RARB: variants seen among roughly 807,000 people sequenced by gnomAD.
RARB encodes HBV-activated protein.
RARB carries 17 observed loss-of-function variants against 51.9 expected under a neutral mutation model. That is an observed-to-expected ratio of 0.33 (90% confidence interval 0.22 to 0.49). The LOEUF (loss-of-function observed/expected upper bound fraction) is 0.49. RARB is among the 20% of genes least tolerant of loss of function. The pLI, the probability that RARB is intolerant of heterozygous loss-of-function variation, is 0.99. For missense variants in RARB, 369 were observed against 550.8 expected, an observed-to-expected ratio of 0.67 and a Z score of 3.30; for synonymous variants, 215 against 195.4, an observed-to-expected ratio of 1.10 and a Z score of -0.84.
intron 5 of RARB, among the ~76,000 whole-genome samples, chr3:25,305,076 C>A (rs962211958): frequency 7.2e-5 from 11 of 152,082 alleles, no homozygotes; most frequent in Non-Finnish European, 1.3e-4. Context: ...AGGATTTGAA[C>A]CACGAGAGAG....
intron 5 of RARB, among the ~76,000 whole-genome samples, chr3:25,243,132 T>G (rs1204692144): frequency 6.6e-6 from 1 of 151,894 alleles, no homozygotes; most frequent in Non-Finnish European, 1.5e-5. Flanking sequence ...TGTATAGGAG[T>G]GCTTGTGATT....
At chr3:24,893,407 T>C (rs535048486) in intron 2 of RARB, among the ~76,000 whole-genome samples, 1 of 152,234 alleles carries the variant, frequency 6.6e-6, no homozygotes, top group Non-Finnish European at 1.5e-5. Flanking sequence ...CTTTAATTTT[T>C]TTTTGCCACC....
At chr3:25,181,624 TTCCTGTTAAGAACCA>T (rs1700863591) in intron 5 of RARB, among the ~76,000 whole-genome samples, 1 of 152,170 alleles carries the variant, frequency 6.6e-6, no homozygotes. Flanking sequence ...CCACCAGGCA[TTCCTGTTAAGAACCA>T]CCCCTACCCC....
intron 2 of RARB, among the ~76,000 whole-genome samples, chr3:24,986,970 G>A (rs925804689): frequency 2.6e-5 from 4 of 151,576 alleles, no homozygotes; most frequent in Admixed American, 1.3e-4. Flanking sequence ...AGATTTCAAC[G>A]GTCGTCATCT....
intron 2 of RARB, among the ~76,000 whole-genome samples, chr3:25,495,370 A>C (rs1008087522): frequency 2.0e-5 from 3 of 152,144 alleles, no homozygotes; most frequent in African/African-American, 7.2e-5. Context: ...AAAATTATAA[A>C]TTTTATGTAT....
At chr3:25,553,989 C>CTGTG (rs1291613925) in intron 3 of RARB, among the ~76,000 whole-genome samples, 1 of 151,972 alleles carries the variant, frequency 6.6e-6, no homozygotes, top group East Asian at 1.9e-4. Context: ...CCCATGTCAC[C>CTGTG]TGTGTTTGCC....
intron 5 of RARB, among the ~76,000 whole-genome samples, chr3:25,200,967 A>G (rs1057159277): frequency 1.3e-5 from 2 of 152,196 alleles, no homozygotes; most frequent in African/African-American, 4.8e-5. Flanking sequence ...AGTTTTTTCC[A>G]ATTCTGTGAA....
At chr3:25,583,164 C>T (rs527371596) in intron 5 of RARB, among the ~76,000 whole-genome samples, 1 of 152,176 alleles carries the variant, frequency 6.6e-6, no homozygotes, top group Non-Finnish European at 1.5e-5. Context: ...ACCCATTTGG[C>T]CCTAGGCAAG....
intron 2 of RARB, among the ~76,000 whole-genome samples, chr3:24,867,123 G>T (rs555132405): frequency 6.6e-6 from 1 of 152,152 alleles, no homozygotes; most frequent in Non-Finnish European, 1.5e-5. Context: ...TTATATTTTT[G>T]ACCTCTGGAA....
At chr3:24,927,965 C>A (rs1695356202) in intron 2 of RARB, among the ~76,000 whole-genome samples, 1 of 152,042 alleles carries the variant, frequency 6.6e-6, no homozygotes, top group African/African-American at 2.4e-5. Flanking sequence ...CAAACCAAAT[C>A]CCTAGCATCT....
At chr3:24,865,397 C>A (rs1702827770) in intron 2 of RARB, among the ~76,000 whole-genome samples, 1 of 152,116 alleles carries the variant, frequency 6.6e-6, no homozygotes, top group Non-Finnish European at 1.5e-5. Flanking sequence ...TTATGCCAAG[C>A]ATCTTCAGCA....
chr3:25,425,485 A>G (rs944916068), upstream of RARB, among the ~76,000 whole-genome samples: 2 of 152,222 alleles, frequency 1.3e-5, no homozygotes, highest in African/African-American at 4.8e-5. Context: ...TTAATTCATG[A>G]TGAGGAATGA....
chr3:25,551,808 G>T (rs1323427694), intron 3 of RARB, among the ~76,000 whole-genome samples: 1 of 152,202 alleles, frequency 6.6e-6, no homozygotes, highest in East Asian at 1.9e-4. Context: ...CCAGGATGCA[G>T]ATGTCTCAAG....
intron 3 of RARB, among the ~76,000 whole-genome samples, chr3:25,063,856 C>G (rs1360578339): frequency 6.6e-6 from 1 of 151,936 alleles, no homozygotes; most frequent in African/African-American, 2.4e-5. Flanking sequence ...CTAAGAGTCT[C>G]AGAAGTTGTG....
intron 3 of RARB, among the ~76,000 whole-genome samples, chr3:25,557,750 G>A (rs1227957210): frequency 6.6e-6 from 1 of 152,106 alleles, no homozygotes; most frequent in Admixed American, 6.5e-5. Flanking sequence ...ACAGTGACTC[G>A]TCTAAACAGC....
rs886176177 is a variant in RARB, at chr3:25,198,940, G to A, written c.178+24365G>A. 2.0e-5 allele frequency among the ~76,000 whole-genome samples: 3 copies of A among 151,988 alleles called. No homozygotes were observed. The East Asian group carries it at 5.8e-4, about 29-fold the overall frequency. On this transcript the variant is annotated intron_variant, in intron 5 of 11. Coordinates refer to the RARB transcript ENST00000383772. The stretch of plus-strand genomic sequence containing the variant: ...TGATCCAGCAATCCCACTGCTTTTT[G>A]GTATATACCCCCAAAAAAGGAAATC...
At chr3:25,313,154 C>T (rs940968841) in intron 5 of RARB, among the ~76,000 whole-genome samples, 5 of 152,208 alleles carry the variant, frequency 3.3e-5, no homozygotes, top group Admixed American at 3.3e-4. Context: ...TTTGTTTTCC[C>T]AGCATTAATC....
intron 2 of RARB, among the ~76,000 whole-genome samples, chr3:25,487,368 A>T (rs1218325984): frequency 6.6e-6 from 1 of 152,182 alleles, no homozygotes; most frequent in Non-Finnish European, 1.5e-5. Context: ...CAGATAAGGT[A>T]TCAACACAAT....
chr3:25,336,833 T>A (rs1444870465), intron 5 of RARB, among the ~76,000 whole-genome samples: 1 of 152,128 alleles, frequency 6.6e-6, no homozygotes, highest in Non-Finnish European at 1.5e-5. Context: ...GAGAGAGTGA[T>A]TGACGCTGTA....
Sources: gnomAD v4.1 joint callset for allele counts (sites outside exome capture counted in the v4.1 genomes callset) on GRCh38, gnomAD v4.1.1 for gene constraint, MANE v1.5 for transcripts, NCBI Gene and HGNC (gene_info 2026-07-23, HGNC 2026-07-21) for gene names.